The following ZNF385D variants were observed in gnomAD, a reference collection of about 807,000 sequenced individuals.
The protein encoded by ZNF385D is zinc finger protein 385D, also known as zinc finger protein 659.
ZNF385D carries 15 observed loss-of-function variants against 35.8 expected under a neutral mutation model. That is an observed-to-expected ratio of 0.42 (90% CI 0.28 to 0.64). The LOEUF is 0.64. ZNF385D is among the 30% of genes least tolerant of loss of function. The pLI is 0.23. For synonymous variants in ZNF385D, 212 were observed against 186.8 expected (o/e 1.13, Z -1.10); for missense variants, 474 against 494.6 (o/e 0.96, Z 0.39).
intron 1 of ZNF385D, among the ~76,000 whole-genome samples, chr3:21,737,195 C>T (rs1210774908): frequency 6.6e-6 from 1 of 152,170 alleles, no homozygotes; most frequent in Non-Finnish European, 1.5e-5. Context: ...CTGCCTTGGC[C>T]TCCTAAAGTG....
chr3:21,716,263 T>G (rs1360944885), intron 1 of ZNF385D, among the ~76,000 whole-genome samples: 1 of 152,042 alleles, frequency 6.6e-6, no homozygotes, highest in Non-Finnish European at 1.5e-5. Flanking sequence ...CAGCCACACA[T>G]ATGTCAGATC....
At chr3:22,343,452 C>T (rs1695513465) in intron 2 of ZNF385D, among the ~76,000 whole-genome samples, 1 of 152,234 alleles carries the variant, frequency 6.6e-6, no homozygotes, top group Non-Finnish European at 1.5e-5. Flanking sequence ...GAGGGATACA[C>T]AGGAACAACT....
intron 3 of ZNF385D, among the ~76,000 whole-genome samples, chr3:21,926,310 T>G (rs1485734165): frequency 6.6e-6 from 1 of 152,038 alleles, no homozygotes; most frequent in African/African-American, 2.4e-5. Flanking sequence ...CAGGACCCAG[T>G]GTGTGATGCT....
intron 2 of ZNF385D, among the ~76,000 whole-genome samples, chr3:22,182,237 AAAGT>A (rs1695329561): frequency 6.6e-6 from 1 of 152,186 alleles, no homozygotes; most frequent in Non-Finnish European, 1.5e-5. Flanking sequence ...TTAAAATTAG[AAAGT>A]AACCCAAATT....
chr3:22,294,392 G>T (rs923262095), intron 2 of ZNF385D, among the ~76,000 whole-genome samples: 17 of 151,928 alleles, frequency 1.1e-4, no homozygotes, highest in African/African-American at 3.6e-4. Flanking sequence ...TAAGAAAACT[G>T]TTCCTATGAA....
chr3:21,969,888 T>A (rs1182967768), intron 3 of ZNF385D, among the ~76,000 whole-genome samples: 1 of 152,146 alleles, frequency 6.6e-6, no homozygotes, highest in African/African-American at 2.4e-5. Flanking sequence ...TGGGTGATAG[T>A]AAGGGAGCAG....
At chr3:21,459,263 A>G (rs760494643) in intron 4 of ZNF385D, 1 of 152,204 alleles carries the variant, frequency 6.6e-6, no homozygotes, top group Non-Finnish European at 1.5e-5. Context: ...CTTTAGGCTT[A>G]TAACACCTTG....
chr3:21,826,178 C>G (rs1027875127), intron 3 of ZNF385D, among the ~76,000 whole-genome samples: 2 of 152,092 alleles, frequency 1.3e-5, no homozygotes, highest in African/African-American at 4.8e-5. Flanking sequence ...CAGGAGCAAA[C>G]GAAGCTGGGA....
intron 3 of ZNF385D, among the ~76,000 whole-genome samples, chr3:21,756,428 G>T (rs1016951662): frequency 6.6e-6 from 1 of 152,050 alleles, no homozygotes; most frequent in African/African-American, 2.4e-5. Context: ...GTCAGTGTAG[G>T]GGCATGTCTG....
At chr3:22,085,410 C>T (rs1052813977) in intron 3 of ZNF385D, among the ~76,000 whole-genome samples, 9 of 152,114 alleles carry the variant, frequency 5.9e-5, no homozygotes, top group African/African-American at 1.2e-4. Flanking sequence ...ACCGATCCCA[C>T]GGAAATACAA....
intron 2 of ZNF385D, among the ~76,000 whole-genome samples, chr3:21,570,659 A>G (rs769006150): frequency 1.3e-5 from 2 of 152,184 alleles, no homozygotes; most frequent in Non-Finnish European, 2.9e-5. Flanking sequence ...TTTGATGGTC[A>G]TAGAATTTTT....
intron 3 of ZNF385D, among the ~76,000 whole-genome samples, chr3:22,068,466 C>T (rs760971747): frequency 3.9e-4 from 59 of 152,200 alleles, no homozygotes; most frequent in African/African-American, 9.4e-4. Flanking sequence ...GTCTACTCCC[C>T]CACACCCCAT....
intron 2 of ZNF385D, among the ~76,000 whole-genome samples, chr3:21,621,031 G>T (rs2064991723): frequency 1.3e-5 from 2 of 151,944 alleles, no homozygotes; most frequent in Admixed American, 1.3e-4. Flanking sequence ...TCTGAAGCAG[G>T]AAATACCTGG....
intron 3 of ZNF385D, among the ~76,000 whole-genome samples, chr3:22,116,803 A>G (rs1702833947): frequency 6.6e-6 from 1 of 152,056 alleles, no homozygotes; most frequent in African/African-American, 2.4e-5. Flanking sequence ...GTTTTTATAA[A>G]TATGATGAAA....
intron 3 of ZNF385D, among the ~76,000 whole-genome samples, chr3:22,113,986 A>G (rs1184246779): frequency 6.6e-6 from 1 of 152,102 alleles, no homozygotes; most frequent in African/African-American, 2.4e-5. Context: ...ACATAATTAA[A>G]TTGAGAAAAG....
intron 2 of ZNF385D, among the ~76,000 whole-genome samples, chr3:21,639,440 C>A (rs2065537538): frequency 6.6e-6 from 1 of 151,844 alleles, no homozygotes; most frequent in Non-Finnish European, 1.5e-5. Context: ...TAATTTTTAA[C>A]AAAATTGGAA....
At chr3:21,960,929 G>C (rs2125318130) in intron 3 of ZNF385D, among the ~76,000 whole-genome samples, 2 of 152,150 alleles carry the variant, frequency 1.3e-5, no homozygotes, top group South Asian at 2.1e-4. Flanking sequence ...ATGGAGAAGA[G>C]GAGAATAGGA....
intron 3 of ZNF385D, among the ~76,000 whole-genome samples, chr3:22,091,044 G>A (rs753357346): frequency 2.0e-5 from 3 of 152,178 alleles, no homozygotes; most frequent in Non-Finnish European, 4.4e-5. Context: ...ATGTGTGGGA[G>A]TGGATTCAAC....
chr3:22,361,694 G>C (rs568068777), intron 2 of ZNF385D, among the ~76,000 whole-genome samples: 5 of 152,058 alleles, frequency 3.3e-5, no homozygotes, highest in Non-Finnish European at 7.4e-5. Context: ...TATGTGGAAA[G>C]AGGAGGAAAC....
Sources: allele counts gnomAD v4.1 joint callset (sites outside exome capture counted in the v4.1 genomes callset), GRCh38; gene constraint gnomAD v4.1.1; transcripts MANE v1.5; gene names NCBI Gene and HGNC (gene_info 2026-07-23, HGNC 2026-07-21).